The following MYRIP variants were observed in gnomAD, a reference collection of about 807,000 sequenced individuals.
The protein encoded by MYRIP is myosin VIIA and Rab interacting protein, also known as rab effector MyRIP.
MYRIP carries 49 observed loss-of-function variants against 98.0 expected under a neutral mutation model. The observed-to-expected ratio is 0.50, with a 90% CI of 0.40 to 0.63. The LOEUF (loss-of-function observed/expected upper bound fraction) is 0.63, where lower values mean the gene tolerates loss of function less well. Among genes scored for constraint, MYRIP ranks in the 30% least tolerant of loss-of-function variants. MYRIP has a pLI of 0.00. For synonymous variants in MYRIP, 404 were observed against 409.5 expected (o/e 0.99, Z 0.16); for missense variants, 1,004 against 1,058.2 (o/e 0.95, Z 0.71).
At chr3:39,839,787 G>C (rs1304320553) in intron 1 of MYRIP, among the ~76,000 whole-genome samples, 1 of 152,140 alleles carries the variant, frequency 6.6e-6, no homozygotes, top group Admixed American at 6.5e-5. Flanking sequence ...TGTGTATTTT[G>C]AGTGAGTTTC....
intron 2 of MYRIP, among the ~76,000 whole-genome samples, chr3:40,022,921 G>C (rs1197048243): frequency 6.6e-6 from 1 of 152,162 alleles, no homozygotes; most frequent in Non-Finnish European, 1.5e-5. Flanking sequence ...ACCTGGAAAA[G>C]AGACTGGCAG....
At chr3:39,909,895 T>TGTTC (rs1943977622) in intron 2 of MYRIP, among the ~76,000 whole-genome samples, 2 of 151,542 alleles carry the variant, frequency 1.3e-5, no homozygotes, top group Non-Finnish European at 2.9e-5. Flanking sequence ...TTTTTTTGTT[T>TGTTC]GTTTGTTTTG....
intron 1 of MYRIP, among the ~76,000 whole-genome samples, chr3:39,859,578 G>A (rs2199100): frequency 0.47 from 71,379 of 151,906 alleles, 17,709 homozygotes; most frequent in African/African-American, 0.64. Flanking sequence ...CAAGAAAATC[G>A]CAGAAGAATA....
intron 1 of MYRIP, among the ~76,000 whole-genome samples, chr3:39,851,774 C>T (rs1326852604): frequency 1.3e-5 from 2 of 152,114 alleles, no homozygotes; most frequent in Admixed American, 6.5e-5. Context: ...AGCTTGGAGC[C>T]TCCATGGGGC....
intron 3 of MYRIP, among the ~76,000 whole-genome samples, chr3:40,049,102 C>T (rs930710002): frequency 6.6e-6 from 1 of 152,140 alleles, no homozygotes; most frequent in African/African-American, 2.4e-5. Flanking sequence ...TCCTACTTTC[C>T]TTGGAAACAA....
intron 1 of MYRIP, among the ~76,000 whole-genome samples, chr3:39,872,739 G>C (rs1942843489): frequency 6.6e-6 from 1 of 151,984 alleles, no homozygotes; most frequent in Admixed American, 6.6e-5. Context: ...GTCTATCATT[G>C]TTGGACATTT....
At chr3:40,080,902 C>A (rs760574169) in intron 3 of MYRIP, among the ~76,000 whole-genome samples, 2 of 134,812 alleles carry the variant, frequency 1.5e-5, no homozygotes, top group African/African-American at 2.8e-5. Context: ...TTCAGTCTTT[C>A]TTCTTTTCTC....
rs189140759 is a variant in MYRIP, at chr3:39,832,228, C to T, written c.-31+22312C>T. 1.1e-4 allele frequency among the ~76,000 whole-genome samples: 16 copies of T among 152,228 alleles called. No homozygotes were observed. In the East Asian group the frequency reaches 3.1e-3, roughly 29 times the overall value. On this transcript the variant is annotated intron_variant, in intron 1 of 16. Coordinates refer to ENST00000302541, the MANE Select transcript of MYRIP (RefSeq NM_015460.4). The stretch of plus-strand genomic sequence containing the variant: ...ACAACACAGAATATGTTTGTAACAA[C>T]CTGGCACAAATTTTCTTCAAGTTAT...
chr3:40,107,182 A>G (rs979180911), intron 3 of MYRIP, among the ~76,000 whole-genome samples: 53 of 152,328 alleles, frequency 3.5e-4, no homozygotes, highest in African/African-American at 1.3e-3. Context: ...GTTATTGAAT[A>G]CCTGCTGGGG....
chr3:39,903,982 G>C (rs1943813102), intron 2 of MYRIP, among the ~76,000 whole-genome samples: 2 of 152,240 alleles, frequency 1.3e-5, no homozygotes, highest in Non-Finnish European at 1.5e-5. Context: ...TCATTAGTCT[G>C]GTTGTTTTGA....
At chr3:40,036,474 A>G (rs1243381102) in intron 2 of MYRIP, among the ~76,000 whole-genome samples, 1 of 152,022 alleles carries the variant, frequency 6.6e-6, no homozygotes, top group Non-Finnish European at 1.5e-5. Context: ...CAGAAGGAAA[A>G]TCAGATGCAA....
At chr3:40,060,614 A>AGAGAGAGAGAGAGAGAGAGAGAGAGG (rs894059877) in intron 3 of MYRIP, among the ~76,000 whole-genome samples, 126 of 151,476 alleles carry the variant, frequency 8.3e-4, no homozygotes, top group African/African-American at 2.9e-3. Flanking sequence ...AGAGAGAGAG[A>AGAGAGAGAGAGAGAGAGAGAGAGAGG]GAGATTCGCT....
rs183171148 is a variant in MYRIP at position 40,105,256 on chromosome 3, C to T, written c.333-45792C>T. Among the ~76,000 whole-genome samples, 19 of 152,284 alleles carry T rather than the reference C, an allele frequency of 1.2e-4. No homozygotes were observed. The East Asian group carries it at 2.9e-3, about 23-fold the overall frequency. Reference sequence around the variant, plus strand: ...AAATGCTTCCCAGCTGAGCCATCTCCTAAATTGTGGTTAATATTTTTCTAT... The same window carrying T: ...AAATGCTTCCCAGCTGAGCCATCTCTTAAATTGTGGTTAATATTTTTCTAT... On this transcript the variant is annotated intron_variant, in intron 3 of 16. Coordinates refer to ENST00000302541, the MANE Select transcript of MYRIP (RefSeq NM_015460.4).
chr3:39,842,103 T>A (rs1941820917), intron 1 of MYRIP, among the ~76,000 whole-genome samples: 1 of 152,190 alleles, frequency 6.6e-6, no homozygotes, highest in African/African-American at 2.4e-5. Flanking sequence ...ATGAGAGTTT[T>A]ATGTATAAGC....
chr3:39,832,955 C>A lies in MYRIP; in HGVS notation c.-31+23039C>A, dbSNP rs73826795. On this transcript the variant is annotated intron_variant, in intron 1 of 16. Transcript: ENST00000302541. Reference sequence around the variant, plus strand: ...GCACAAAAATGTTTATCATAGTCCTCTGTGAAATAGCACCAAATTGGAATC... The same window carrying A: ...GCACAAAAATGTTTATCATAGTCCTATGTGAAATAGCACCAAATTGGAATC... Among the ~76,000 whole-genome samples the A allele has an allele frequency of 2.6e-3, 392 of 152,264 alleles. 3 individuals carry two copies. The highest frequency in any genetic ancestry group is 9.0e-3 in the African/African-American group (372 of 41,536).
intron 1 of MYRIP, among the ~76,000 whole-genome samples, chr3:39,817,817 GTA>G (rs1324623527): frequency 6.6e-6 from 1 of 152,036 alleles, no homozygotes; most frequent in Non-Finnish European, 1.5e-5. Context: ...TAAATAAAAT[GTA>G]TCCTCTTGTT....
intron 2 of MYRIP, among the ~76,000 whole-genome samples, chr3:39,997,728 C>CA (rs1458695273): frequency 2.0e-5 from 3 of 152,028 alleles, no homozygotes; most frequent in East Asian, 3.9e-4. Context: ...AGAGACACAA[C>CA]AAAAAAAGAG....
chr3:39,915,743 A>G (rs1321898213), intron 2 of MYRIP, among the ~76,000 whole-genome samples: 2 of 136,000 alleles, frequency 1.5e-5, no homozygotes, highest in Admixed American at 1.5e-4. Context: ...ATTATTAGAT[A>G]GGTCAATGCC....
intron 12 of MYRIP, among the ~76,000 whole-genome samples, chr3:40,244,154 A>G (rs1441305896): frequency 2.0e-5 from 3 of 152,204 alleles, no homozygotes; most frequent in Non-Finnish European, 4.4e-5. Context: ...CCAATACACA[A>G]TTCGCATAGC....
Sources: gnomAD v4.1 joint callset for allele counts (sites outside exome capture counted in the v4.1 genomes callset) on GRCh38, gnomAD v4.1.1 for gene constraint, MANE v1.5 for transcripts, NCBI Gene and HGNC (gene_info 2026-07-23, HGNC 2026-07-21) for gene names.